The following FBN1 variants were observed in gnomAD, a reference collection of about 807,000 sequenced individuals.
FBN1 encodes fibrillin 1, also known as fibrillin-1.
A neutral mutation model predicts 365.1 loss-of-function variants in FBN1; 29 were observed. The ratio of observed to expected loss-of-function variants is 0.08; its 90% CI spans 0.06 to 0.11. FBN1 has a LOEUF of 0.11. Ranked by LOEUF, FBN1 falls within the 10% of genes least tolerant of loss-of-function variation. FBN1 has a pLI of 1.00. For synonymous variants in FBN1, 1,210 were observed against 1,270.5 expected (o/e 0.95, Z 1.01); for missense variants, 2,476 against 3,703.2 (o/e 0.67, Z 8.60).
At chr15:48,489,029 C>G (rs951080461) in intron 25 of FBN1, among the ~76,000 whole-genome samples, 1 of 151,376 alleles carries the variant, frequency 6.6e-6, no homozygotes, top group Admixed American at 6.6e-5. Context: ...AATGTATATA[C>G]CTTAAGATGT....
chr15:48,437,187 T>A, intron 52 of FBN1, 110 bp from the exon 53 acceptor site: 1 of 1,108,242 alleles, frequency 9.0e-7, no homozygotes, highest in Non-Finnish European at 1.4e-6. Context: ...TGCAATAATA[T>A]AATTGCTATC....
At chr15:48,629,195 C>T (rs965981017) in intron 2 of FBN1, among the ~76,000 whole-genome samples, 1 of 152,336 alleles carries the variant, frequency 6.6e-6, no homozygotes, top group East Asian at 1.9e-4. Flanking sequence ...AAAATATCAG[C>T]TGAACTAAAT....
intron 50 of FBN1, 51 bp from the exon 51 acceptor site, chr15:48,437,968 A>G: frequency 6.3e-7 from 1 of 1,589,792 alleles, no homozygotes. Flanking sequence ...CTGAGTCCGT[A>G]TTGCACCATA....
intron 64 of FBN1, 53 bp from the exon 65 acceptor site, chr15:48,412,796 A>G (rs948629136): frequency 2.7e-5 from 43 of 1,603,146 alleles, no homozygotes; most frequent in Non-Finnish European, 3.4e-5. Context: ...AAGACAAGGT[A>G]GGTGGTACAA....
At chr15:48,504,053 G>T in intron 16 of FBN1, 114 bp from the exon 17 acceptor site, 1 of 1,250,008 alleles carries the variant, frequency 8.0e-7, no homozygotes, top group Non-Finnish European at 1.2e-6. Context: ...AACTCACAGG[G>T]AATGCCTCTG....
rs80152093 is a variant in FBN1 at position 48,628,146 on chromosome 15, T to C, written c.165-15054A>G. On this transcript the variant is annotated intron_variant, in intron 2 of 65. Coordinates refer to ENST00000316623, the MANE Select transcript of FBN1 (RefSeq NM_000138.5). ...GTGATGTGCCTGGCACACATGCACATGCGCACGTATCATCCCCTACAAACA... is the reference window on the plus strand; with the variant it reads ...GTGATGTGCCTGGCACACATGCACACGCGCACGTATCATCCCCTACAAACA... 0.015 allele frequency among the ~76,000 whole-genome samples: 2,333 copies of C among 152,278 alleles called. 207 individuals carry two copies. In the East Asian group the frequency reaches 0.24, roughly 15 times the overall value.
At chr15:48,614,591 AG>A (rs2140739885) in intron 2 of FBN1, among the ~76,000 whole-genome samples, 1 of 152,314 alleles carries the variant, frequency 6.6e-6, no homozygotes, top group African/African-American at 2.4e-5. Flanking sequence ...AAAGGGATTT[AG>A]GAAGAAAGCT....
chr15:48,412,070 A>G (rs895556123), intron 65 of FBN1, among the ~76,000 whole-genome samples: 2 of 152,150 alleles, frequency 1.3e-5, no homozygotes, highest in Non-Finnish European at 2.9e-5. Context: ...ATATCTGTGC[A>G]CTTCTGAGTT....
At position 48,513,566 on chromosome 15, in the gene FBN1, G is replaced by A. The variant is rs370575495; in HGVS notation, c.1571C>T (p.Thr524Met). The A allele has an allele frequency of 2.4e-5, 38 of 1,613,840 alleles. No individual in the cohort carries two copies. The African/African-American group carries it at 3.7e-4, about 16-fold the overall frequency. Reference sequence around the variant, plus strand: ...GACCATACCTCGGCATTCTGTCCGCGTGAGTGTGCTCTGATATCCAGCTCG... The same window carrying A: ...GACCATACCTCGGCATTCTGTCCGCATGAGTGTGCTCTGATATCCAGCTCG... ...QCRAGYQSTL[T>M]RTECRDIDEC... Residue 524 changes from threonine to methionine, a missense_variant, in exon 13 of 66, where the codon ACG (threonine) becomes ATG (methionine). This residue lies in a region of FBN1 where 1,780 missense variants were observed against 2,840.8 expected (regional missense o/e 0.63). Coordinates refer to ENST00000316623, the MANE Select transcript of FBN1 (RefSeq NM_000138.5).
Position 48,445,455 on chromosome 15 carries a change from T to C in FBN1, c.5838A>G (p.Gln1946=), listed in dbSNP as rs759049300. The change falls in exon 48 of 66, where the codon CAA becomes CAG. Residue 1946 remains glutamine (Q), a synonymous_variant. Coordinates refer to ENST00000316623, the MANE Select transcript of FBN1 (RefSeq NM_000138.5). ...SGNGNLCRNG[Q]CINTVGSFQC... The stretch of plus-strand genomic sequence containing the variant: ...GGAAAGACCCCACTGTATTAATGCA[T>C]TGGCCATTTCTGCAAAGATTCCCAT... 1.2e-6 allele frequency: 2 copies of C among 1,612,530 alleles called. No individual in the cohort carries two copies. The highest frequency in any genetic ancestry group is 1.7e-6 in the Non-Finnish European group (2 of 1,178,812).
intron 4 of FBN1, among the ~76,000 whole-genome samples, chr15:48,602,732 T>C (rs2044577039): frequency 6.6e-6 from 1 of 152,246 alleles, no homozygotes; most frequent in African/African-American, 2.4e-5. Context: ...TCAGCCAAGA[T>C]GCTTTTTTAA....
intron 6 of FBN1, among the ~76,000 whole-genome samples, chr15:48,577,530 C>T (rs187072156): frequency 1.3e-4 from 20 of 152,282 alleles, no homozygotes; most frequent in African/African-American, 4.3e-4. Flanking sequence ...CTACTTAAAT[C>T]GCCCTTTTTT....
At chr15:48,579,644 A>G (rs996326009) in intron 6 of FBN1, among the ~76,000 whole-genome samples, 1 of 152,124 alleles carries the variant, frequency 6.6e-6, no homozygotes, top group Admixed American at 6.6e-5. Context: ...TAATCTATAA[A>G]TCTTATCTCA....
intron 55 of FBN1, among the ~76,000 whole-genome samples, chr15:48,432,631 A>G (rs1233897846): frequency 6.6e-6 from 1 of 152,098 alleles, no homozygotes; most frequent in Non-Finnish European, 1.5e-5. Context: ...GCGTGTTGTG[A>G]GCATGCGATG....
At chr15:48,593,292 C>T (rs1444983900) in intron 6 of FBN1, among the ~76,000 whole-genome samples, 1 of 152,116 alleles carries the variant, frequency 6.6e-6, no homozygotes, top group Non-Finnish European at 1.5e-5. Context: ...CCAAGGTCTC[C>T]CAGGGACATA....
chr15:48,619,277 C>G (rs1889720899), intron 2 of FBN1, among the ~76,000 whole-genome samples: 1 of 152,088 alleles, frequency 6.6e-6, no homozygotes, highest in Non-Finnish European at 1.5e-5. Flanking sequence ...TTACTTTGTG[C>G]AGTTTGGGAT....
chr15:48,638,564 T>C lies in FBN1; in HGVS notation c.164+6042A>G, dbSNP rs559227228. ...CTTAATTTTCCTCATAAAGGATTTA[T>C]GTTTTAAAGGAATTAGTATTTGCAA... On this transcript the variant is annotated intron_variant, in intron 2 of 65. Coordinates refer to ENST00000316623, the MANE Select transcript of FBN1 (RefSeq NM_000138.5). Among the ~76,000 whole-genome samples the C allele has an allele frequency of 6.6e-5, 10 of 152,006 alleles. No homozygotes were observed. In the South Asian group the frequency reaches 1.5e-3, roughly 22 times the overall value.
chr15:48,517,476 G>A (rs2043815257), intron 10 of FBN1, among the ~76,000 whole-genome samples: 1 of 152,150 alleles, frequency 6.6e-6, no homozygotes, highest in South Asian at 2.1e-4. Context: ...CTCTGAATGA[G>A]GACATCCTGA....
In FBN1 at chr15:48,446,830, G is replaced by C. The variant is rs2141250478; in HGVS notation, c.5672-8C>G. 5 of 1,538,392 alleles carry C rather than the reference G, an allele frequency of 3.3e-6. No individual in the cohort carries two copies. In the South Asian group the frequency reaches 3.4e-5, roughly 10 times the overall value. On this transcript the variant is annotated splice_polypyrimidine_tract_variant and splice_region_variant and intron_variant, in intron 46 of 65. Coordinates refer to ENST00000316623, the MANE Select transcript of FBN1 (RefSeq NM_000138.5). ...TTTCACATTCATTTATGTCTAGTAG[G>C]AAGAAAGGCCATAAAGAAACATAAT... is the stretch of plus-strand genomic sequence containing the variant.
Sources: allele counts gnomAD v4.1 joint callset (sites outside exome capture counted in the v4.1 genomes callset), GRCh38; gene constraint gnomAD v4.1.1; regional missense constraint gnomAD v4.1.1; transcripts MANE v1.5; gene names NCBI Gene and HGNC (gene_info 2026-07-23, HGNC 2026-07-21).